The following SH3RF3 variants were observed in gnomAD, a reference collection of about 807,000 sequenced individuals.
SH3RF3 encodes SH3 domain containing ring finger 3, also known as E3 ubiquitin-protein ligase SH3RF3.
SH3RF3 carries 29 observed loss-of-function variants against 66.3 expected under a neutral mutation model. That is an observed-to-expected ratio of 0.44 (90% CI 0.33 to 0.60). SH3RF3 has a LOEUF of 0.60. Ranked by LOEUF, SH3RF3 falls within the 20% of genes least tolerant of loss-of-function variation. The probability of loss-of-function intolerance (pLI) is 0.04; values close to 1 mark genes in which losing one functional copy is unlikely to be tolerated. For synonymous variants in SH3RF3, 583 were observed against 532.0 expected (o/e 1.10, Z -1.32); for missense variants, 1,194 against 1,190.9 (o/e 1.00, Z -0.04).
At chr2:109,150,942 A>G (rs1399706007) in intron 1 of SH3RF3, among the ~76,000 whole-genome samples, 1 of 152,230 alleles carries the variant, frequency 6.6e-6, no homozygotes, top group Non-Finnish European at 1.5e-5. Context: ...GAAGCTAGTT[A>G]TTTCAAGGTG....
chr2:109,201,749 G>A (rs908158131), intron 1 of SH3RF3, among the ~76,000 whole-genome samples: 6 of 152,176 alleles, frequency 3.9e-5, no homozygotes, highest in South Asian at 2.1e-4. Context: ...ACAGCCAAGC[G>A]GTGAAAGGAG....
Position 109,493,319 on chromosome 2 carries a change from A to T in SH3RF3, c.2480+2383A>T, listed in dbSNP as rs1034553486. On this transcript the variant is annotated intron_variant, in intron 9 of 9. Coordinates refer to ENST00000309415, the MANE Select transcript of SH3RF3 (RefSeq NM_001099289.3). ...CCATGCACACCATGCAAATATACGT[A>T]CACCATACAAACACACCCCACATAC... Among the ~76,000 whole-genome samples, 33 of 148,184 alleles carry T rather than the reference A, an allele frequency of 2.2e-4. No homozygotes were observed. The South Asian group carries it at 6.7e-3, about 30-fold the overall frequency.
chr2:109,229,167 C>T (rs1023794304), intron 1 of SH3RF3, among the ~76,000 whole-genome samples: 1 of 152,178 alleles, frequency 6.6e-6, no homozygotes, highest in African/African-American at 2.4e-5. Flanking sequence ...GAGCTCTGTG[C>T]CAGGAACCAG....
chr2:109,137,136 A>G (rs563409352), intron 1 of SH3RF3, among the ~76,000 whole-genome samples: 2 of 152,328 alleles, frequency 1.3e-5, no homozygotes, highest in East Asian at 1.9e-4. Context: ...ACATGTGTCT[A>G]TATCTTTTTA....
At chr2:109,348,103 C>G (rs1032275927) in intron 2 of SH3RF3, among the ~76,000 whole-genome samples, 154 bp downstream of exon 2, 2 of 152,218 alleles carry the variant, frequency 1.3e-5, no homozygotes, top group African/African-American at 2.4e-5. Context: ...CAGCCTCCCT[C>G]CCTGTGCTTC....
chr2:109,152,449 A>G (rs183809605), intron 1 of SH3RF3, among the ~76,000 whole-genome samples: 7 of 152,262 alleles, frequency 4.6e-5, no homozygotes, highest in African/African-American at 1.7e-4. Context: ...CGAGAGCATA[A>G]TAGCCTTGTT....
chr2:109,134,108 TG>T (rs1467098509), intron 1 of SH3RF3, among the ~76,000 whole-genome samples: 1 of 152,236 alleles, frequency 6.6e-6, no homozygotes, highest in Non-Finnish European at 1.5e-5. Flanking sequence ...TGCTGCATGC[TG>T]GGCACTTTGA....
chr2:109,202,329 C>A (rs887486364), intron 1 of SH3RF3, among the ~76,000 whole-genome samples: 1 of 152,270 alleles, frequency 6.6e-6, no homozygotes, highest in Middle Eastern at 3.4e-3. Flanking sequence ...ATGAAACTCC[C>A]TAGGAGTGTG....
chr2:109,295,446 C>G (rs73955511), intron 1 of SH3RF3, among the ~76,000 whole-genome samples: 145 of 152,298 alleles, frequency 9.5e-4, no homozygotes, highest in African/African-American at 3.3e-3. Context: ...CCGAGGGGCA[C>G]GCAGGGCAGG....
At chr2:109,261,894 C>T (rs562172165) in intron 1 of SH3RF3, among the ~76,000 whole-genome samples, 164 of 152,072 alleles carry the variant, frequency 1.1e-3, no homozygotes, top group Admixed American at 2.0e-3. Flanking sequence ...TCTGCTGATA[C>T]GAGACATGTT....
chr2:109,132,899 C>CTT (rs1210297682), intron 1 of SH3RF3, among the ~76,000 whole-genome samples: 1 of 152,180 alleles, frequency 6.6e-6, no homozygotes, highest in Non-Finnish European at 1.5e-5. Flanking sequence ...TCAAAACATG[C>CTT]TTTTTAATGT....
chr2:109,220,451 T>C (rs1558965525), intron 1 of SH3RF3, among the ~76,000 whole-genome samples: 1 of 152,322 alleles, frequency 6.6e-6, no homozygotes, highest in East Asian at 1.9e-4. Flanking sequence ...CGCAAAAGTT[T>C]TGTGCTTCAA....
chr2:109,490,686 C>T lies in SH3RF3; in HGVS notation c.2230C>T (p.Pro744Ser). The stretch of plus-strand genomic sequence containing the variant: ...GTCACGCTCCCCGCCATCTGTGTCT[C>T]CAACCCACGACCCCCAGGTGGCCGT... The part of the protein sequence containing the change: ...KKSRSPPSVS[P>S]THDPQVAVDA... Residue 744 changes from proline (P) to serine (S), a missense_variant, in exon 9 of 10, where the codon CCA (proline) becomes TCA (serine). Pro to Ser is a moderately conservative substitution (Grantham distance 74, BLOSUM62 -1). Coordinates refer to ENST00000309415, the MANE Select transcript of SH3RF3 (RefSeq NM_001099289.3). 6.5e-7 allele frequency: 1 copy of T among 1,530,606 alleles called. No individual in the cohort carries two copies. Among genetic ancestry groups the T allele is most frequent in the Non-Finnish European group, 8.8e-7 (1 of 1,141,914 alleles). 94.8% of individuals were successfully genotyped at this position (1,530,606 alleles called of 1,614,324 possible).
At chr2:109,469,949 T>C (rs1263705605) in intron 8 of SH3RF3, among the ~76,000 whole-genome samples, 1 of 152,182 alleles carries the variant, frequency 6.6e-6, no homozygotes, top group Non-Finnish European at 1.5e-5. Context: ...TTCCAGGACA[T>C]GCGAGCTATA....
intron 1 of SH3RF3, among the ~76,000 whole-genome samples, chr2:109,237,413 G>A (rs1291599847): frequency 6.6e-6 from 1 of 152,178 alleles, no homozygotes; most frequent in African/African-American, 2.4e-5. Context: ...GTCTTAACAA[G>A]TCTATGGAGA....
chr2:109,298,925 C>T (rs769277737), intron 1 of SH3RF3, among the ~76,000 whole-genome samples: 25 of 152,334 alleles, frequency 1.6e-4, no homozygotes, highest in Non-Finnish European at 3.4e-4. Context: ...CAGAATTCCC[C>T]AGTGCCTCCC....
intron 8 of SH3RF3, among the ~76,000 whole-genome samples, chr2:109,483,949 G>A (rs746978973): frequency 1.3e-5 from 2 of 151,660 alleles, no homozygotes; most frequent in African/African-American, 4.8e-5. Context: ...CACAACCCCC[G>A]CCATCCCTGT....
At chr2:109,447,068 C>T (rs1677726250) in intron 7 of SH3RF3, among the ~76,000 whole-genome samples, 1 of 149,720 alleles carries the variant, frequency 6.7e-6, no homozygotes, top group African/African-American at 2.5e-5. Flanking sequence ...GCCTGACCTG[C>T]TCTCCTTGTA....
chr2:109,426,578 T>G (rs1677032653), intron 5 of SH3RF3, among the ~76,000 whole-genome samples: 1 of 152,176 alleles, frequency 6.6e-6, no homozygotes, highest in African/African-American at 2.4e-5. Flanking sequence ...AGAAAGTAGT[T>G]TCTTGAGATA....
Sources: gnomAD v4.1 joint callset for allele counts (sites outside exome capture counted in the v4.1 genomes callset) on GRCh38, gnomAD v4.1.1 for gene constraint, MANE v1.5 for transcripts, NCBI Gene and HGNC (gene_info 2026-07-23, HGNC 2026-07-21) for gene names.